The following CAPN14 variants were observed in gnomAD, a reference collection of about 807,000 sequenced individuals.
CAPN14 encodes calpain 14, also known as calpain-14.
In CAPN14, 94 loss-of-function variants were observed where a neutral mutation model predicts 101.3. The ratio of observed to expected loss-of-function variants is 0.93; its 90% confidence interval spans 0.79 to 1.10. The LOEUF is 1.10. CAPN14 is among the 50% of genes least tolerant of loss of function. The pLI is 0.00. For missense variants in CAPN14, 837 were observed against 828.4 expected (o/e 1.01, Z -0.13); for synonymous variants, 338 against 317.9 (o/e 1.06, Z -0.67).
chr2:31,180,390 T>C (rs775703005), intron 17 of CAPN14, among the ~76,000 whole-genome samples: 3 of 152,180 alleles, frequency 2.0e-5, no homozygotes, highest in Admixed American at 6.5e-5. Context: ...TGATCAAACA[T>C]TGATTACAAT....
Position 31,205,418 on chromosome 2 carries a change from T to C in CAPN14, c.30A>G (p.Arg10=), listed in dbSNP as rs1314036995. 8.4e-6 allele frequency: 13 copies of C among 1,551,454 alleles called. No homozygotes were observed. In the East Asian group the frequency reaches 1.2e-4, roughly 15 times the overall value. The change falls in exon 2 of 22, where the codon AGA becomes AGG. Residue 10 remains arginine (R), a synonymous_variant. Transcript: ENST00000403897. MSLWPPFRC[R]WKLAPRYSRR... ...TAGAGTACCTTGGCGCCAGCTTCCA[T>C]CTGCATCGGAAAGGTGGCCACAGAG...
chr2:31,188,421 T>G, intron 13 of CAPN14, 67 bp from the exon 14 acceptor site: 1 of 1,419,710 alleles, frequency 7.0e-7, no homozygotes, highest in Non-Finnish European at 9.7e-7. Flanking sequence ...AATCTTCCCC[T>G]TCTCCTGGGA....
chr2:31,218,040 A>ATCG (rs1408144689), upstream of CAPN14, among the ~76,000 whole-genome samples: 1 of 152,060 alleles, frequency 6.6e-6, no homozygotes, highest in African/African-American at 2.4e-5. Context: ...TGCTATTGAG[A>ATCG]TCGCTCCCTC....
intron 1 of CAPN14, among the ~76,000 whole-genome samples, chr2:31,207,466 C>T (rs1682161190): frequency 6.6e-6 from 1 of 152,110 alleles, no homozygotes; most frequent in Admixed American, 6.5e-5. Context: ...AAAGTCAAGT[C>T]CCCCTTTAAG....
intron 1 of CAPN14, among the ~76,000 whole-genome samples, chr2:31,232,928 G>A (rs751294153): frequency 2.2e-4 from 33 of 152,120 alleles, no homozygotes; most frequent in Admixed American, 1.0e-3. Flanking sequence ...GCCTGGGCAG[G>A]GAGGAGTGTT....
Position 31,178,549 on chromosome 2 carries a change from C to A in CAPN14, c.1741G>T (p.Glu581Ter). The stretch of plus-strand genomic sequence containing the variant: ...AGCTGCTTCCACAGGTCCCTGAATT[C>A]CTGGATGCTCATAGTACCTGATGCA... ...LNASGTMSIQ[E>*]FRDLWKQLKL... Residue 581 changes from glutamate (E) to a stop codon, truncating the protein, a stop_gained, in exon 18 of 22, where the codon GAA (glutamate) becomes TAA (stop). Coordinates refer to ENST00000403897, the MANE Select transcript of CAPN14 (RefSeq NM_001145122.2). LOFTEE classifies it high-confidence loss of function. 6.5e-7 allele frequency: 1 copy of A among 1,548,964 alleles called. No individual in the cohort carries two copies. Among genetic ancestry groups the A allele is most frequent in the Non-Finnish European group, 8.7e-7 (1 of 1,145,968 alleles).
chr2:31,179,060 C>CTATATATATATATATATATATA (rs60701103), intron 17 of CAPN14, among the ~76,000 whole-genome samples: 1 of 69,216 alleles, frequency 1.4e-5, no homozygotes, highest in Non-Finnish European at 2.6e-5. Flanking sequence ...TTATTGAGTT[C>CTATATATATATATATATATATA]TATATATATA....
intron 15 of CAPN14, among the ~76,000 whole-genome samples, chr2:31,187,206 C>G (rs1054690820): frequency 6.6e-6 from 1 of 152,150 alleles, no homozygotes; most frequent in Non-Finnish European, 1.5e-5. Flanking sequence ...AGAGCATGGC[C>G]TCCAGAGCCC....
chr2:31,205,943 G>T (rs1682051965), intron 1 of CAPN14, among the ~76,000 whole-genome samples: 1 of 151,960 alleles, frequency 6.6e-6, no homozygotes, highest in African/African-American at 2.4e-5. Context: ...CTGCCTCCCA[G>T]CTACAGACAC....
chr2:31,226,937 G>A (rs1683039175), intron 1 of CAPN14, among the ~76,000 whole-genome samples: 1 of 152,170 alleles, frequency 6.6e-6, no homozygotes, highest in Non-Finnish European at 1.5e-5. Context: ...AATCAAAGAT[G>A]CCTGTGTGGG....
chr2:31,207,215 C>T (rs1221295136), intron 1 of CAPN14, among the ~76,000 whole-genome samples: 2 of 152,138 alleles, frequency 1.3e-5, no homozygotes. Context: ...TTGTCAAGGT[C>T]CTGCCCATCC....
At chr2:31,200,126 C>T (rs1681676104) in intron 6 of CAPN14, among the ~76,000 whole-genome samples, 1 of 152,128 alleles carries the variant, frequency 6.6e-6, no homozygotes. Flanking sequence ...GCCTCAGCCT[C>T]CCAAATAGCT....
chr2:31,180,795 G>T, intron 17 of CAPN14, 141 bp downstream of exon 17: 1 of 669,044 alleles, frequency 1.5e-6, no homozygotes, highest in Non-Finnish European at 2.6e-6. Context: ...TGAGCATCTG[G>T]ATACATAATG....
chr2:31,181,392 T>C (rs1194504072), intron 16 of CAPN14, among the ~76,000 whole-genome samples: 21 of 117,876 alleles, frequency 1.8e-4, no homozygotes, highest in South Asian at 3.0e-4. Context: ...CTTTTTTTCT[T>C]TCTTTTTTTC....
At chr2:31,209,986 T>G (rs1396426463) in intron 1 of CAPN14, among the ~76,000 whole-genome samples, 7 of 152,214 alleles carry the variant, frequency 4.6e-5, no homozygotes, top group African/African-American at 1.2e-4. Context: ...CAGCTGGAAG[T>G]TTCCGTGTTG....
chr2:31,201,464 T>A (rs1011055965), intron 5 of CAPN14, among the ~76,000 whole-genome samples: 12 of 152,178 alleles, frequency 7.9e-5, no homozygotes, highest in African/African-American at 2.9e-4. Flanking sequence ...GGGACAGCAG[T>A]GATCAGCTAC....
Position 31,230,255 on chromosome 2 carries a change from C to T in CAPN14, c.-177+3536G>A, listed in dbSNP as rs925288788. On this transcript the variant is annotated intron_variant and NMD_transcript_variant, in intron 1 of 21. Coordinates refer to the CAPN14 transcript ENST00000398824. This position sits in a 1 kb window ranked among gnomAD's most constrained non-coding sequence, Gnocchi z 4.3. ...AATGTGGCACATTTATCCATTTACTCGGTGAAGGACATTTAGTTGTTTATA... is the reference window on the plus strand; with the variant it reads ...AATGTGGCACATTTATCCATTTACTTGGTGAAGGACATTTAGTTGTTTATA... Among the ~76,000 whole-genome samples, 16 of 152,168 alleles carry T rather than the reference C, an allele frequency of 1.1e-4. No homozygotes were observed. Among genetic ancestry groups the T allele is most frequent in the South Asian group, 6.2e-4 (3 of 4,828 alleles).
intron 18 of CAPN14, 60 bp downstream of exon 18, chr2:31,178,451 T>C (rs1680421716): frequency 1.5e-6 from 2 of 1,296,644 alleles, no homozygotes; most frequent in Middle Eastern, 1.8e-4. Context: ...TTCTACAGCT[T>C]TGCAGAACTG....
chr2:31,181,036 C>T (rs1253768247), intron 16 of CAPN14, 36 bp from the exon 17 acceptor site: 1 of 1,534,788 alleles, frequency 6.5e-7, no homozygotes, highest in Non-Finnish European at 8.8e-7. Flanking sequence ...TGGGGGCTGG[C>T]CCCAGGTCTG....
Sources: gnomAD v4.1 joint callset for allele counts (sites outside exome capture counted in the v4.1 genomes callset) on GRCh38, gnomAD v4.1.1 for gene constraint, Gnocchi (gnomAD v3.1) non-coding constraint, MANE v1.5 for transcripts, NCBI Gene and HGNC (gene_info 2026-07-23, HGNC 2026-07-21) for gene names.